The following SEMA5A variants were observed in gnomAD, a reference collection of about 807,000 sequenced individuals.
SEMA5A encodes semaphorin-5A.
Under a neutral mutation model 135.5 loss-of-function variants are expected in SEMA5A, and 55 were observed. That is an observed-to-expected ratio of 0.41 (90% CI 0.33 to 0.51). SEMA5A has a LOEUF of 0.51. Among genes scored for constraint, SEMA5A ranks in the 20% least tolerant of loss-of-function variants. SEMA5A has a pLI of 0.37. For missense variants in SEMA5A, 1,290 were observed against 1,419.9 expected (o/e 0.91, Z 1.47); for synonymous variants, 580 against 546.5 (o/e 1.06, Z -0.85).
rs568343614 is a variant in SEMA5A, at chr5:9,454,951, C to T, written c.-174-17099G>A. Among the ~76,000 whole-genome samples the T allele has an allele frequency of 5.3e-5, 8 of 152,248 alleles. No homozygotes were observed. The South Asian group carries it at 1.7e-3, about 32-fold the overall frequency. ...AGAGATGTACTAATAAAGGGATACA[C>T]GTACTATTTTGCAAATCCTAGAAGA... On this transcript the variant is annotated intron_variant, in intron 1 of 22. Transcript: ENST00000382496.
chr5:9,303,356 T>C (rs1751707365), intron 5 of SEMA5A, among the ~76,000 whole-genome samples: 1 of 152,146 alleles, frequency 6.6e-6, no homozygotes, highest in African/African-American at 2.4e-5. Flanking sequence ...AACCTCGTGA[T>C]CCACCTGCCT....
chr5:9,353,294 G>A (rs1579397987), intron 3 of SEMA5A, among the ~76,000 whole-genome samples: 3 of 103,194 alleles, frequency 2.9e-5, no homozygotes, highest in Middle Eastern at 6.3e-3. Flanking sequence ...GGAGGGAAAG[G>A]AAGGGAAGGG....
At chr5:9,502,120 T>TA (rs1183484703) in intron 1 of SEMA5A, among the ~76,000 whole-genome samples, 3 of 152,072 alleles carry the variant, frequency 2.0e-5, no homozygotes, top group Non-Finnish European at 4.4e-5. Flanking sequence ...TTTTTTTAAA[T>TA]AAAAAACAAC....
At chr5:9,321,486 C>T (rs1020025414) in intron 4 of SEMA5A, among the ~76,000 whole-genome samples, 1 of 152,134 alleles carries the variant, frequency 6.6e-6, no homozygotes, top group Non-Finnish European at 1.5e-5. Context: ...ATGCAAAAAC[C>T]AGAGTTCTGC....
chr5:9,428,190 G>T (rs1040866450), intron 2 of SEMA5A, among the ~76,000 whole-genome samples: 2 of 144,238 alleles, frequency 1.4e-5, no homozygotes, highest in Non-Finnish European at 3.0e-5. Context: ...CCATCCAATT[G>T]ACCCAGAATT....
intron 5 of SEMA5A, among the ~76,000 whole-genome samples, chr5:9,272,501 T>C (rs147605657): frequency 9.2e-5 from 14 of 152,242 alleles, no homozygotes; most frequent in African/African-American, 3.1e-4. Flanking sequence ...AGCACAGCAT[T>C]TGAGCTCTGA....
In SEMA5A at chr5:9,224,882, G is replaced by T; in HGVS notation, c.438C>A (p.Ser146Arg). ...TCTGATCATGGATCTCAGTCAGGTT[G>T]CTCAACTGTGGGGGAGGATGAGAGG... is the stretch of plus-strand genomic sequence containing the variant. The part of the protein sequence containing the change: ...FTPVCTNRSL[S>R]NLTEIHDQIS... The change falls in exon 8 of 23, where the codon AGC (serine) becomes AGA (arginine). Residue 146 changes from serine (S) to arginine (R), a missense_variant. Ser to Arg is a moderately radical substitution (Grantham distance 110, BLOSUM62 -1). This residue lies in a region of SEMA5A where 145 missense variants were observed against 212.0 expected (regional missense o/e 0.68). Coordinates refer to ENST00000382496, the MANE Select transcript of SEMA5A (RefSeq NM_003966.3). 1 of 1,611,888 alleles carries T rather than the reference G, an allele frequency of 6.2e-7. No individual in the cohort carries two copies. Among genetic ancestry groups the T allele is most frequent in the Non-Finnish European group, 8.5e-7 (1 of 1,178,960 alleles).
intron 1 of SEMA5A, among the ~76,000 whole-genome samples, chr5:9,453,321 G>C (rs1758714583): frequency 6.6e-6 from 1 of 152,202 alleles, no homozygotes; most frequent in Admixed American, 6.5e-5. Flanking sequence ...GCCGAGGTCT[G>C]ACAAGGCAAT....
At position 9,066,411 on chromosome 5, in the gene SEMA5A, C is replaced by G; in HGVS notation, c.2299+10G>C. ...GGAAGTGGGTCAGTCCCCACGGAATCACTACTCACCATCTGTGGAGCAGCC... is the reference window on the plus strand; with the variant it reads ...GGAAGTGGGTCAGTCCCCACGGAATGACTACTCACCATCTGTGGAGCAGCC... On this transcript the variant is annotated intron_variant, in intron 17 of 22. Transcript: ENST00000382496. The G allele has an allele frequency of 3.7e-6, 6 of 1,613,248 alleles. No individual in the cohort carries two copies. The highest frequency in any genetic ancestry group is 2.2e-5 in the East Asian group (1 of 44,874).
intron 11 of SEMA5A, among the ~76,000 whole-genome samples, chr5:9,177,290 G>A (rs368997041): frequency 2.0e-5 from 3 of 152,188 alleles, no homozygotes; most frequent in Admixed American, 6.5e-5. Context: ...ACTTCAGGGT[G>A]CAGGTTACAG....
chr5:9,454,634 A>T (rs1758764156), intron 1 of SEMA5A, among the ~76,000 whole-genome samples: 2 of 152,226 alleles, frequency 1.3e-5, no homozygotes, highest in Non-Finnish European at 1.5e-5. Context: ...CAAAACAAAA[A>T]AGCAAAGTGA....
chr5:9,543,320 C>A (rs456885), intron 1 of SEMA5A, among the ~76,000 whole-genome samples: 13,547 of 152,220 alleles, frequency 0.089, 977 homozygotes, highest in African/African-American at 0.19. Context: ...GTATTTATTT[C>A]GGTCTCGTGG....
In SEMA5A at chr5:9,226,873, C is replaced by A. The variant is rs754798514; in HGVS notation, c.428G>T (p.Arg143Leu). ...AGGCACAAAAAGAAGCCATACCGAG[C>A]GGTTGGTGCAGACAGGCGTGAATGC... ...TNAFTPVCTN[R>L]SLSNLTEIHD... is the part of the protein sequence containing the mutation. Residue 143 changes from arginine to leucine, a missense_variant, in exon 7 of 23, where the codon CGC (arginine) becomes CTC (leucine). By Grantham distance (102) the Arg-to-Leu change is moderately radical (BLOSUM62 -2). Coordinates refer to ENST00000382496, the MANE Select transcript of SEMA5A (RefSeq NM_003966.3). 2 of 1,601,342 alleles carry A rather than the reference C, an allele frequency of 1.2e-6. No homozygotes were observed. The highest frequency in any genetic ancestry group is 1.7e-5 in the Admixed American group (1 of 58,660).
intron 1 of SEMA5A, among the ~76,000 whole-genome samples, chr5:9,535,899 G>A (rs943639564): frequency 6.6e-6 from 1 of 152,158 alleles, no homozygotes; most frequent in Non-Finnish European, 1.5e-5. Flanking sequence ...GCAGACGTCG[G>A]GATGTAACTG....
chr5:9,057,627 T>G (rs1488543634), intron 18 of SEMA5A, among the ~76,000 whole-genome samples: 1 of 152,234 alleles, frequency 6.6e-6, no homozygotes, highest in Non-Finnish European at 1.5e-5. Flanking sequence ...ATCCAGTTGC[T>G]GAAACATTCC....
At chr5:9,281,751 C>G (rs188976658) in intron 5 of SEMA5A, among the ~76,000 whole-genome samples, 1 of 151,480 alleles carries the variant, frequency 6.6e-6, no homozygotes, top group Admixed American at 6.6e-5. Flanking sequence ...TGTCCAAGAC[C>G]GGGGAGAAGA....
intron 5 of SEMA5A, among the ~76,000 whole-genome samples, chr5:9,285,876 C>T (rs1357252481): frequency 6.6e-6 from 1 of 152,134 alleles, no homozygotes; most frequent in African/African-American, 2.4e-5. Flanking sequence ...TTGTCTATTT[C>T]AAAATACGCA....
intron 9 of SEMA5A, among the ~76,000 whole-genome samples, chr5:9,200,451 C>T (rs549093318): frequency 1.3e-5 from 2 of 152,280 alleles, no homozygotes; most frequent in Admixed American, 1.3e-4. Flanking sequence ...GTCAACTGAG[C>T]AAATGCACAT....
At chr5:9,366,474 T>C (rs148629303) in intron 3 of SEMA5A, among the ~76,000 whole-genome samples, 4,372 of 152,108 alleles carry the variant, frequency 0.029, 210 homozygotes, top group African/African-American at 0.099. Flanking sequence ...CTGCAAGCTC[T>C]GCCTCCCGGG....
Sources: allele counts gnomAD v4.1 joint callset (sites outside exome capture counted in the v4.1 genomes callset), GRCh38; gene constraint gnomAD v4.1.1; regional missense constraint gnomAD v4.1.1; transcripts MANE v1.5; gene names NCBI Gene and HGNC (gene_info 2026-07-23, HGNC 2026-07-21).